LYPD6B: variants seen among roughly 807,000 people sequenced by gnomAD.
LYPD6B encodes the protein ly6/PLAUR domain-containing protein 6B.
LYPD6B carries 17 observed loss-of-function variants against 22.8 expected under a neutral mutation model. That is an observed-to-expected ratio of 0.75 (90% CI 0.51 to 1.12). The LOEUF (loss-of-function observed/expected upper bound fraction) is 1.12, where lower values mean the gene tolerates loss of function less well. LYPD6B is among the 50% of genes most tolerant of loss of function. The pLI is 0.00. For missense variants in LYPD6B, 221 were observed against 258.3 expected, an observed-to-expected ratio of 0.86 and a Z score of 0.99; for synonymous variants, 106 against 91.6, an observed-to-expected ratio of 1.16 and a Z score of -0.90.
chr2:149,052,337 G>A lies in LYPD6B; in HGVS notation c.-67+13536G>A, dbSNP rs547559186. The stretch of plus-strand genomic sequence containing the variant: ...CCCAAAGTGCTGGGATTACAGGTGT[G>A]AACCATGTGCCTTTCCAGGATTATT... On this transcript the variant is annotated intron_variant, in intron 1 of 6. Coordinates refer to ENST00000409642, the MANE Select transcript of LYPD6B (RefSeq NM_177964.5). Among the ~76,000 whole-genome samples, 5 of 152,296 alleles carry A rather than the reference G, an allele frequency of 3.3e-5. No homozygotes were observed. In the South Asian group the frequency reaches 1.0e-3, roughly 32 times the overall value.
chr2:149,130,990 AT>A, intron 2 of LYPD6B, 37 bp downstream of exon 2: 1 of 1,458,364 alleles, frequency 6.9e-7, no homozygotes, highest in Non-Finnish European at 9.6e-7. Flanking sequence ...TAGAGAAGAT[AT>A]TTTTATTTAA....
chr2:149,051,162 T>C (rs527648705), intron 1 of LYPD6B, among the ~76,000 whole-genome samples: 2 of 151,888 alleles, frequency 1.3e-5, no homozygotes, highest in South Asian at 4.2e-4. Context: ...TGAACAATAT[T>C]ATTATTATTA....
chr2:149,139,148 C>T (rs991397056), intron 2 of LYPD6B, among the ~76,000 whole-genome samples: 2 of 152,150 alleles, frequency 1.3e-5, no homozygotes, highest in Non-Finnish European at 2.9e-5. Flanking sequence ...CAAGGTGGTT[C>T]GAGTTCCAAC....
At chr2:149,205,020 G>A (rs1029975169) in intron 3 of LYPD6B, 73 of 422,070 alleles carry the variant, frequency 1.7e-4, no homozygotes, top group African/African-American at 1.3e-3. Context: ...AAAGGCCATC[G>A]AGTGTTCTGC....
chr2:149,208,204 G>A (rs1246142752), intron 4 of LYPD6B, 110 bp from the exon 5 acceptor site: 1 of 704,028 alleles, frequency 1.4e-6, no homozygotes, highest in Non-Finnish European at 2.5e-6. Context: ...AAGGATGAAA[G>A]CTTATAAGTT....
intron 1 of LYPD6B, among the ~76,000 whole-genome samples, chr2:149,056,256 A>G (rs1683784722): frequency 6.6e-6 from 1 of 152,176 alleles, no homozygotes; most frequent in South Asian, 2.1e-4. Flanking sequence ...TGGGGTGCCC[A>G]CTGTATGCTT....
chr2:149,211,014 G>A (rs1226261443), intron 5 of LYPD6B, among the ~76,000 whole-genome samples: 3 of 152,140 alleles, frequency 2.0e-5, no homozygotes, highest in African/African-American at 4.8e-5. Context: ...TTGGCTTCTG[G>A]GGAGGGCTCA....
intron 2 of LYPD6B, among the ~76,000 whole-genome samples, chr2:149,140,718 T>A (rs183670615): frequency 6.6e-6 from 1 of 152,342 alleles, no homozygotes; most frequent in East Asian, 1.9e-4. Context: ...TATGATTGGG[T>A]CACCAAGGAA....
At chr2:149,058,904 G>A (rs568340795) in intron 1 of LYPD6B, among the ~76,000 whole-genome samples, 2 of 152,246 alleles carry the variant, frequency 1.3e-5, no homozygotes, top group Non-Finnish European at 2.9e-5. Context: ...ACAGGCATGA[G>A]CCACAGCGCC....
intron 1 of LYPD6B, among the ~76,000 whole-genome samples, chr2:149,085,151 A>G (rs1685329645): frequency 6.6e-6 from 1 of 152,168 alleles, no homozygotes; most frequent in Non-Finnish European, 1.5e-5. Context: ...TACCGATGAG[A>G]AAGCTGAGCC....
At chr2:149,213,409 G>A (rs1156525468) in intron 6 of LYPD6B, among the ~76,000 whole-genome samples, 1 of 152,056 alleles carries the variant, frequency 6.6e-6, no homozygotes, top group Non-Finnish European at 1.5e-5. Context: ...AACATAAAAT[G>A]GAGACCAAAG....
intron 1 of LYPD6B, among the ~76,000 whole-genome samples, chr2:149,099,872 T>C (rs1168388432): frequency 1.3e-5 from 2 of 152,188 alleles, no homozygotes; most frequent in Non-Finnish European, 1.5e-5. Flanking sequence ...AGCAGTGTGA[T>C]ATTTAAAAAC....
chr2:149,148,591 C>T lies in LYPD6B; in HGVS notation c.6-12173C>T, dbSNP rs552501162. Among the ~76,000 whole-genome samples, 10 of 152,344 alleles carry T rather than the reference C, an allele frequency of 6.6e-5. No homozygotes were observed. The South Asian group carries it at 2.1e-3, about 32-fold the overall frequency. On this transcript the variant is annotated intron_variant, in intron 2 of 6. Transcript: ENST00000409642. Reference sequence around the variant, plus strand: ...TTTTTGGCCTGTCTCTTTTCTCACTCTAGTTTCCAGACGTGTGGTGTTATC... The same window carrying T: ...TTTTTGGCCTGTCTCTTTTCTCACTTTAGTTTCCAGACGTGTGGTGTTATC...
intron 1 of LYPD6B, among the ~76,000 whole-genome samples, chr2:149,089,935 C>G (rs1232772918): frequency 6.6e-6 from 1 of 152,200 alleles, no homozygotes; most frequent in Admixed American, 6.6e-5. Flanking sequence ...TTTTTCACAG[C>G]TGTGGTACAA....
At chr2:149,160,617 T>C in intron 2 of LYPD6B, 147 bp from the exon 3 acceptor site, 1 of 690,286 alleles carries the variant, frequency 1.4e-6, no homozygotes, top group Admixed American at 2.0e-5. Context: ...GCATTTGATA[T>C]TGTTCAATTG....
In LYPD6B at chr2:149,208,337, A is replaced by C. The variant is rs984768235; in HGVS notation, c.253A>C (p.Lys85Gln). ...AGCTACACCATTTCCAAATAGCTTC[A>C]AGTGCTTTACTTGTGAAAACGCAGG... is the stretch of plus-strand genomic sequence containing the variant. ...LDPTPFPNSF[K>Q]CFTCENAGDN... Residue 85 changes from lysine to glutamine, a missense_variant, in exon 5 of 7, where the codon AAG (lysine) becomes CAG (glutamine). Transcript: ENST00000409642. The C allele has an allele frequency of 6.2e-7, 1 of 1,613,634 alleles. No homozygotes were observed. The highest frequency in any genetic ancestry group is 8.5e-7 in the Non-Finnish European group (1 of 1,179,632).
At chr2:149,066,050 A>G (rs1684312200) in intron 1 of LYPD6B, among the ~76,000 whole-genome samples, 1 of 152,050 alleles carries the variant, frequency 6.6e-6, no homozygotes, top group Admixed American at 6.6e-5. Flanking sequence ...CTGCTAGTTC[A>G]TGGGCTGTAG....
chr2:149,076,462 T>C (rs1264823910), intron 1 of LYPD6B, among the ~76,000 whole-genome samples: 2 of 152,314 alleles, frequency 1.3e-5, no homozygotes, highest in East Asian at 3.9e-4. Flanking sequence ...TCCAAGGGAA[T>C]GGTTGACACA....
chr2:149,120,383 A>ATATATTTTTTT (rs1327065975), intron 1 of LYPD6B, among the ~76,000 whole-genome samples: 1 of 48,614 alleles, frequency 2.1e-5, no homozygotes, highest in African/African-American at 1.1e-4. Flanking sequence ...ATATATATAT[A>ATATATTTTTTT]TTTTTTTTTT....
Sources: allele counts gnomAD v4.1 joint callset (sites outside exome capture counted in the v4.1 genomes callset), GRCh38; gene constraint gnomAD v4.1.1; transcripts MANE v1.5; gene names NCBI Gene and HGNC (gene_info 2026-07-23, HGNC 2026-07-21).